Variants in SAP30BP observed in about 807,000 individuals in gnomAD.
The protein encoded by SAP30BP is SAP30-binding protein.
In SAP30BP, 31 loss-of-function variants were observed where a neutral mutation model predicts 46.3. The observed-to-expected ratio is 0.67, with a 90% CI of 0.50 to 0.90. SAP30BP has a LOEUF of 0.90. Ranked by LOEUF, SAP30BP falls within the 40% of genes least tolerant of loss-of-function variation. The pLI is 0.00. For synonymous variants in SAP30BP, 169 were observed against 144.2 expected (o/e 1.17, Z -1.23); for missense variants, 312 against 391.0 (o/e 0.80, Z 1.70).
chr17:75,673,154 CGTT>C, intron 3 of SAP30BP, among the ~76,000 whole-genome samples: 1 of 152,074 alleles, frequency 6.6e-6, no homozygotes, highest in Middle Eastern at 3.4e-3. Flanking sequence ...AATCTTGAGA[CGTT>C]GTGAGTGAGA....
chr17:75,671,937 T>G, intron 3 of SAP30BP, 74 bp downstream of exon 3: 3 of 1,183,034 alleles, frequency 2.5e-6, no homozygotes, highest in Non-Finnish European at 3.8e-6. Context: ...GTTCGTATGT[T>G]TGGTCAAGAT....
chr17:75,688,369 A>G lies in SAP30BP; in HGVS notation c.265-5071A>G, dbSNP rs1439272795. Among the ~76,000 whole-genome samples, 3 of 152,218 alleles carry G rather than the reference A, an allele frequency of 2.0e-5. 1 individual carries two copies. Among genetic ancestry groups the G allele is most frequent in the Non-Finnish European group, 4.4e-5 (3 of 68,036 alleles). On this transcript the variant is annotated intron_variant, in intron 3 of 10. Transcript: ENST00000584667. ...AGTCATTTTACTAATCTGCCTCCCT[A>G]GCTGCCACGTACTTGTAAGATGCAA... is the stretch of plus-strand genomic sequence containing the variant.
At chr17:75,678,399 T>C (rs1362812701) in intron 3 of SAP30BP, among the ~76,000 whole-genome samples, 1 of 152,086 alleles carries the variant, frequency 6.6e-6, no homozygotes, top group Admixed American at 6.6e-5. Context: ...GTTGTTAGAC[T>C]GTGTTGTTTA....
intron 5 of SAP30BP, among the ~76,000 whole-genome samples, chr17:75,701,125 T>A (rs190799644): frequency 1.3e-4 from 20 of 152,288 alleles, no homozygotes; most frequent in Non-Finnish European, 2.5e-4. Flanking sequence ...GGTAGAAAGA[T>A]TTGGCCTCTA....
At chr17:75,705,172 G>A (rs2060476613) in intron 9 of SAP30BP, 6 of 290,038 alleles carry the variant, frequency 2.1e-5, no homozygotes, top group South Asian at 3.5e-5. Context: ...TGCTCGGTGA[G>A]TGTCTTGGCC....
In SAP30BP at chr17:75,700,194, C is replaced by A. The variant is rs544752500; in HGVS notation, c.396+323C>A. ...CCCTACTGGGCCAGTGGTAGCTTCT[C>A]AGAAAGAGCTTTGCTAAGAAACTGA... On this transcript the variant is annotated intron_variant, in intron 5 of 10. Transcript: ENST00000584667. 14 of 185,182 alleles carry A rather than the reference C, an allele frequency of 7.6e-5. No homozygotes were observed. The East Asian group carries it at 1.8e-3, about 24-fold the overall frequency. The allele number at this position is 185,182 out of a possible 1,614,324, so 11.5% of individuals were successfully genotyped here. A position where few individuals can be genotyped will look rare whatever the true frequency, so the allele number is the denominator to read the frequency against.
At chr17:75,687,393 A>C (rs1418366149) in intron 3 of SAP30BP, among the ~76,000 whole-genome samples, 3 of 152,102 alleles carry the variant, frequency 2.0e-5, no homozygotes, top group Non-Finnish European at 4.4e-5. Flanking sequence ...TGGCAGGAGG[A>C]TTGCTTGAGC....
chr17:75,706,154 T>C lies in SAP30BP; in HGVS notation c.745+62T>C. 6.3e-7 allele frequency: 1 copy of C among 1,578,900 alleles called. No homozygotes were observed. Among genetic ancestry groups the C allele is most frequent in the Non-Finnish European group, 8.6e-7 (1 of 1,163,792 alleles). ...ATGGAGCCAGGGTCTCCCTGGCTTG[T>C]TTGGGCGACAGACAGCACGTGGATC... is the stretch of plus-strand genomic sequence containing the variant. On this transcript the variant is annotated intron_variant, in intron 10 of 10. Coordinates refer to ENST00000584667, the MANE Select transcript of SAP30BP (RefSeq NM_013260.8). The surrounding 1 kb of genome is among the most constrained non-coding windows in gnomAD (Gnocchi z 4.6).
At chr17:75,705,987 C>G (rs780210899) in intron 9 of SAP30BP, 21 bp from the exon 10 acceptor site, 3 of 1,611,572 alleles carry the variant, frequency 1.9e-6, no homozygotes, top group Admixed American at 3.3e-5. Flanking sequence ...TGGTCTTATT[C>G]TCTTCCCTCT....
At chr17:75,668,409 C>A in intron 1 of SAP30BP, 107 bp from the exon 2 acceptor site, 1 of 636,986 alleles carries the variant, frequency 1.6e-6, no homozygotes, top group Non-Finnish European at 2.6e-6. Context: ...TTTGTATCTT[C>A]AGAGATAGTC....
chr17:75,672,632 C>G (rs1240384907), intron 3 of SAP30BP, among the ~76,000 whole-genome samples: 1 of 152,098 alleles, frequency 6.6e-6, no homozygotes, highest in Non-Finnish European at 1.5e-5. Flanking sequence ...TCACTCTAGA[C>G]CCGGGGAATA....
rs761495308 is a variant in SAP30BP, at chr17:75,704,832, T to G, written c.660+18T>G. ...GAACAAAAGTAAGTGATGGCAGACCTCCTAGATGAAAAAGGCACATGTGGA... is the reference window on the plus strand; with the variant it reads ...GAACAAAAGTAAGTGATGGCAGACCGCCTAGATGAAAAAGGCACATGTGGA... On this transcript the variant is annotated intron_variant, in intron 9 of 10. Transcript: ENST00000584667. 39 of 1,604,682 alleles carry G rather than the reference T, an allele frequency of 2.4e-5. No homozygotes were observed. Among genetic ancestry groups the G allele is most frequent in the Non-Finnish European group, 3.2e-5 (38 of 1,171,738 alleles).
intron 4 of SAP30BP, among the ~76,000 whole-genome samples, chr17:75,698,421 G>A (rs766239103): frequency 3.3e-4 from 50 of 152,272 alleles, no homozygotes; most frequent in Non-Finnish European, 2.1e-4. Flanking sequence ...TTCTCCTGTA[G>A]CCTAGGCAGG....
At chr17:75,695,385 G>C (rs766851761) in intron 4 of SAP30BP, among the ~76,000 whole-genome samples, 3 of 152,200 alleles carry the variant, frequency 2.0e-5, no homozygotes, top group South Asian at 2.1e-4. Flanking sequence ...TAGTGTTTTT[G>C]TCTGGCTTCT....
intron 4 of SAP30BP, among the ~76,000 whole-genome samples, chr17:75,699,531 T>G (rs1413945129): frequency 2.0e-5 from 3 of 150,462 alleles, no homozygotes; most frequent in Admixed American, 2.0e-4. Context: ...AACGGAAAAG[T>G]TAACTGCTGT....
chr17:75,699,165 C>T (rs751773272), intron 4 of SAP30BP, among the ~76,000 whole-genome samples: 75 of 152,178 alleles, frequency 4.9e-4, no homozygotes, highest in Middle Eastern at 3.4e-3. Context: ...AGAGTAAAAC[C>T]CCCATCTCTT....
chr17:75,702,610 T>A (rs1463410397), intron 6 of SAP30BP, 39 bp downstream of exon 6: 2 of 1,042,656 alleles, frequency 1.9e-6, no homozygotes, highest in Admixed American at 1.8e-5. Context: ...ATTGAGTTAT[T>A]AATGTTGGAC....
Position 75,707,915 on chromosome 17 carries a change from T to C in SAP30BP, c.*1394T>C, listed in dbSNP as rs1288508783. The C allele has an allele frequency of 2.0e-5, 3 of 152,236 alleles. No individual in the cohort carries two copies. Among genetic ancestry groups the C allele is most frequent in the Non-Finnish European group, 2.9e-5 (2 of 68,044 alleles). The allele number at this position is 152,236 out of a possible 1,614,324, so 9.4% of individuals were successfully genotyped here. ...CCGGCACCTCTGGTCTGGATTCCAC[T>C]TAAAACCAGTTGAGTGGTCTCAAGC... On this transcript the variant is annotated 3_prime_UTR_variant, in exon 11 of 11. Transcript: ENST00000584667.
At chr17:75,671,257 C>G (rs973780904) in intron 2 of SAP30BP, among the ~76,000 whole-genome samples, 1 of 152,194 alleles carries the variant, frequency 6.6e-6, no homozygotes, top group Non-Finnish European at 1.5e-5. Flanking sequence ...GTCACTTGCT[C>G]AGGTAGTTTG....
Sources: gnomAD v4.1 joint callset for allele counts (sites outside exome capture counted in the v4.1 genomes callset) on GRCh38, gnomAD v4.1.1 for gene constraint, Gnocchi (gnomAD v3.1) non-coding constraint, MANE v1.5 for transcripts, NCBI Gene and HGNC (gene_info 2026-07-23, HGNC 2026-07-21) for gene names.